The following ANXA2 variants were observed in gnomAD, a reference collection of about 807,000 sequenced individuals.
ANXA2 encodes the protein annexin A2, also known as annexin II.
ANXA2 carries 28 observed loss-of-function variants against 47.3 expected under a neutral mutation model. The observed-to-expected ratio is 0.59, with a 90% CI of 0.44 to 0.81. The LOEUF (loss-of-function observed/expected upper bound fraction) is 0.81, where lower values mean the gene tolerates loss of function less well. Ranked by LOEUF, ANXA2 falls within the 40% of genes least tolerant of loss-of-function variation. The pLI is 0.00. For missense variants in ANXA2, 384 were observed against 414.3 expected, an observed-to-expected ratio of 0.93 and a Z score of 0.64; for synonymous variants, 172 against 155.5, an observed-to-expected ratio of 1.11 and a Z score of -0.79.
chr15:60,394,993 GA>G (rs34280964), intron 1 of ANXA2, among the ~76,000 whole-genome samples: 23,156 of 151,640 alleles, frequency 0.15, 1,940 homozygotes, highest in African/African-American at 0.22. Flanking sequence ...ATTCTCATGT[GA>G]AAAAAAAGAG....
At chr15:60,348,762 G>T in intron 12 of ANXA2, among the ~76,000 whole-genome samples, 1 of 135,772 alleles carries the variant, frequency 7.4e-6, no homozygotes, top group East Asian at 2.2e-4. Flanking sequence ...AAAAAAAAAA[G>T]TAAAATGTAA....
intron 3 of ANXA2, among the ~76,000 whole-genome samples, chr15:60,378,391 CAG>C (rs1266780658): frequency 2.0e-5 from 3 of 152,138 alleles, no homozygotes; most frequent in Non-Finnish European, 4.4e-5. Context: ...CTATGTAATA[CAG>C]AGAGTTACAC....
chr15:60,358,431 T>A (rs2062464571), intron 5 of ANXA2, among the ~76,000 whole-genome samples: 1 of 152,228 alleles, frequency 6.6e-6, no homozygotes, highest in South Asian at 2.1e-4. Flanking sequence ...GAATTACAAC[T>A]GTTTAAAATG....
intron 5 of ANXA2, among the ~76,000 whole-genome samples, chr15:60,360,532 G>C (rs971468936): frequency 6.6e-5 from 10 of 152,214 alleles, no homozygotes; most frequent in Admixed American, 6.5e-4. Flanking sequence ...CTGACAGAGA[G>C]AGTATGGGAG....
At chr15:60,370,456 A>C (rs1441714944) in intron 3 of ANXA2, among the ~76,000 whole-genome samples, 2 of 152,232 alleles carry the variant, frequency 1.3e-5, no homozygotes, top group African/African-American at 2.4e-5. Context: ...TGCATCTGCA[A>C]ATGGGATTGA....
intron 3 of ANXA2, among the ~76,000 whole-genome samples, chr15:60,378,079 G>A (rs1219295946): frequency 6.6e-6 from 1 of 151,988 alleles, no homozygotes; most frequent in African/African-American, 2.4e-5. Context: ...CCCAGCCTGG[G>A]CAACAGAGTG....
Position 60,349,116 on chromosome 15 carries a change from A to G in ANXA2, c.919T>C (p.Phe307Leu), listed in dbSNP as rs149022213. Reference protein sequence around the residue: ...EVDMLKIRSEFKRKYGKSLYY... With the variant: ...EVDMLKIRSELKRKYGKSLYY... ...AGGGACTTGCCGTACTTTCTCTTGAATTCAGACCTAATTTTCAACATGTCC... is the reference window on the plus strand; with the variant it reads ...AGGGACTTGCCGTACTTTCTCTTGAGTTCAGACCTAATTTTCAACATGTCC... Residue 307 changes from phenylalanine (F) to leucine (L), a missense_variant, in exon 12 of 13, where the codon TTC becomes CTC. Coordinates refer to ENST00000451270, the MANE Select transcript of ANXA2 (RefSeq NM_004039.3). The G allele has an allele frequency of 1.9e-6, 3 of 1,614,028 alleles. No individual in the cohort carries two copies. The highest frequency in any genetic ancestry group is 2.5e-6 in the Non-Finnish European group (3 of 1,180,018).
Position 60,347,547 on chromosome 15 carries a change from T to C in ANXA2, c.*83A>G, listed in dbSNP as rs1191226124. On this transcript the variant is annotated 3_prime_UTR_variant, in exon 13 of 13. Coordinates refer to ENST00000451270, the MANE Select transcript of ANXA2 (RefSeq NM_004039.3). Reference sequence around the variant, plus strand: ...CCCTCACAGGGATGGCCACGGGGACTGTTATTCGCAAGCTGGTTTTCTAGA... The same window carrying C: ...CCCTCACAGGGATGGCCACGGGGACCGTTATTCGCAAGCTGGTTTTCTAGA... The C allele has an allele frequency of 7.2e-7, 1 of 1,394,676 alleles. No individual in the cohort carries two copies. Among genetic ancestry groups the C allele is most frequent in the Admixed American group, 1.7e-5 (1 of 59,020 alleles). The allele number at this position is 1,394,676 out of a possible 1,614,324, so 86.4% of individuals were successfully genotyped here.
At chr15:60,378,412 T>C (rs1032700240) in intron 3 of ANXA2, among the ~76,000 whole-genome samples, 1 of 152,236 alleles carries the variant, frequency 6.6e-6, no homozygotes, top group Non-Finnish European at 1.5e-5. Context: ...ACATTATCTA[T>C]GTAATATAGT....
At chr15:60,379,697 C>A (rs2062828836) in intron 3 of ANXA2, among the ~76,000 whole-genome samples, 1 of 152,168 alleles carries the variant, frequency 6.6e-6, no homozygotes, top group South Asian at 2.1e-4. Context: ...ATGAATGTTC[C>A]TGAAGTGCCT....
chr15:60,355,902 G>GAA lies in ANXA2; in HGVS notation c.528+15_528+16dup. 12 of 1,609,732 alleles carry GAA rather than the reference G, an allele frequency of 7.5e-6. No individual in the cohort carries two copies. Among genetic ancestry groups the GAA allele is most frequent in the Non-Finnish European group, 1.0e-5 (12 of 1,176,004 alleles). ...TTGGGAGGAAGCAAGGGCAAAGAAA[G>GAA]AAACTGGGAAACCAACCTTTGCCAG... On this transcript the variant is annotated intron_variant, in intron 7 of 12. Coordinates refer to ENST00000451270, the MANE Select transcript of ANXA2 (RefSeq NM_004039.3).
chr15:60,349,312 C>G (rs1895882893), intron 11 of ANXA2, 115 bp from the exon 12 acceptor site: 1 of 1,245,070 alleles, frequency 8.0e-7, no homozygotes, highest in Admixed American at 2.2e-5. Flanking sequence ...CTCCAAAATC[C>G]AAAACTTTTT....
At chr15:60,388,424 G>T (rs2140927828) in intron 1 of ANXA2, among the ~76,000 whole-genome samples, 1 of 152,220 alleles carries the variant, frequency 6.6e-6, no homozygotes, top group East Asian at 1.9e-4. Context: ...TGTTGCCCAG[G>T]CTGGTCTCGA....
At chr15:60,393,911 A>C (rs1361070851) in intron 1 of ANXA2, among the ~76,000 whole-genome samples, 3 of 152,188 alleles carry the variant, frequency 2.0e-5, no homozygotes, top group African/African-American at 7.2e-5. Flanking sequence ...TATATTAGAA[A>C]GTCTTTTTTT....
In ANXA2 at chr15:60,350,646, G is replaced by A. The variant is rs146403717; in HGVS notation, c.837+547C>T. ...AAATGGGATGGGTCTACGGGAAGAG[G>A]TGGTTCGTTTAGGGAAGGGTTGTGG... On this transcript the variant is annotated intron_variant, in intron 11 of 12. Transcript: ENST00000451270. 4.5e-3 allele frequency among the ~76,000 whole-genome samples: 678 copies of A among 152,246 alleles called. 3 individuals are homozygous for A. Among genetic ancestry groups the A allele is most frequent in the African/African-American group, 0.016 (651 of 41,522 alleles).
intron 4 of ANXA2, chr15:60,362,802 C>T (rs958899846): frequency 6.6e-6 from 1 of 152,070 alleles, no homozygotes; most frequent in African/African-American, 2.4e-5. Context: ...CTTGGGACCT[C>T]ATCATAATTC....
intron 4 of ANXA2, among the ~76,000 whole-genome samples, chr15:60,364,039 G>A (rs894210853): frequency 6.6e-6 from 1 of 152,192 alleles, no homozygotes; most frequent in African/African-American, 2.4e-5. Context: ...AGGTAGCCTG[G>A]GTTGGGGGAG....
At chr15:60,381,627 A>G (rs1015487629) in intron 3 of ANXA2, among the ~76,000 whole-genome samples, 20 of 152,102 alleles carry the variant, frequency 1.3e-4, no homozygotes, top group Non-Finnish European at 1.0e-4. Context: ...TCATCCTAGA[A>G]CTTGAGGAAA....
At chr15:60,387,528 A>G (rs577406685) in intron 1 of ANXA2, among the ~76,000 whole-genome samples, 296 of 152,372 alleles carry the variant, frequency 1.9e-3, no homozygotes, top group African/African-American at 6.8e-3. Flanking sequence ...TTGCTGAGTG[A>G]AAGAAGCCAA....
Sources: gnomAD v4.1 joint callset for allele counts (sites outside exome capture counted in the v4.1 genomes callset) on GRCh38, gnomAD v4.1.1 for gene constraint, MANE v1.5 for transcripts, NCBI Gene and HGNC (gene_info 2026-07-23, HGNC 2026-07-21) for gene names.